Variants in RIF1 observed in about 807,000 individuals in gnomAD.
RIF1 encodes the protein telomere-associated protein RIF1.
A neutral mutation model predicts 247.1 loss-of-function variants in RIF1; 45 were observed. The ratio of observed to expected loss-of-function variants is 0.18; its 90% CI spans 0.14 to 0.23. The LOEUF (loss-of-function observed/expected upper bound fraction) is 0.23, where lower values mean the gene tolerates loss of function less well. Ranked by LOEUF, RIF1 falls within the 10% of genes least tolerant of loss-of-function variation. The pLI is 1.00. For missense variants in RIF1, 2,967 were observed against 2,862.5 expected, an observed-to-expected ratio of 1.04 and a Z score of -0.83; for synonymous variants, 1,087 against 978.8, an observed-to-expected ratio of 1.11 and a Z score of -2.06.
rs2444257 is a variant in RIF1 at position 151,465,581 on chromosome 2, A to G, written c.6061A>G (p.Asn2021Asp). ...AGAAACGAATACCAAAATGAAAAATAATGAAGAAATGATGATCGGCGAGGC... is the reference window on the plus strand; with the variant it reads ...AGAAACGAATACCAAAATGAAAAATGATGAAGAAATGATGATCGGCGAGGC... ...SEETNTKMKN[N>D]EEMMIGEAMA... is the part of the protein sequence containing the mutation. The change falls in exon 30 of 36, where the codon AAT becomes GAT. Residue 2021 changes from asparagine (N) to aspartate (D), a missense_variant. By Grantham distance (23) the Asn-to-Asp change is conservative. Coordinates refer to ENST00000444746, the MANE Select transcript of RIF1 (RefSeq NM_018151.5). 1.9e-6 allele frequency: 3 copies of G among 1,613,490 alleles called. No individual in the cohort carries two copies. The highest frequency in any genetic ancestry group is 8.5e-7 in the Non-Finnish European group (1 of 1,179,822).
chr2:151,460,082 C>A lies in RIF1; in HGVS notation c.3038C>A (p.Thr1013Lys). 1.3e-6 allele frequency: 2 copies of A among 1,568,800 alleles called. No homozygotes were observed. The highest frequency in any genetic ancestry group is 1.7e-6 in the Non-Finnish European group (2 of 1,153,320). Residue 1013 changes from threonine (T) to lysine (K), a missense_variant, in exon 26 of 36, where the codon ACA becomes AAA. Thr to Lys is a moderately conservative substitution (Grantham distance 78). Around this residue, in one of 7 missense-constraint regions of RIF1, gnomAD observed 2,028 missense variants for 1,825.6 expected, o/e 1.11. Coordinates refer to ENST00000444746, the MANE Select transcript of RIF1 (RefSeq NM_018151.5). ...NGKRDSFLAQTKNKKENMKPA... is the reference protein window; with the variant it reads ...NGKRDSFLAQKKNKKENMKPA... Reference sequence around the variant, plus strand: ...AAAAGAGATTCATTTTTGGCACAAACAAAGAATAAAAAAGAAAATATGAAA... The same window carrying A: ...AAAAGAGATTCATTTTTGGCACAAAAAAAGAATAAAAAAGAAAATATGAAA...
Position 151,410,544 on chromosome 2 carries a change from G to A in RIF1, c.104+17G>A. Reference sequence around the variant, plus strand: ...TCTGACCAGGTGAGGTCCGCCACGGGGCGTAGCGGAGAGTGGGGCGCTCTA... The same window carrying A: ...TCTGACCAGGTGAGGTCCGCCACGGAGCGTAGCGGAGAGTGGGGCGCTCTA... On this transcript the variant is annotated intron_variant, in intron 2 of 35. Transcript: ENST00000444746. 1 of 1,602,304 alleles carries A rather than the reference G, an allele frequency of 6.2e-7. No homozygotes were observed. The highest frequency in any genetic ancestry group is 8.5e-7 in the Non-Finnish European group (1 of 1,169,874).
chr2:151,412,327 C>T (rs1248607382), intron 3 of RIF1, among the ~76,000 whole-genome samples: 1 of 149,938 alleles, frequency 6.7e-6, no homozygotes, highest in African/African-American at 2.4e-5. Context: ...TTATTATGAC[C>T]TTGTTCTTGT....
At chr2:151,438,538 C>A in intron 13 of RIF1, 146 bp from the exon 14 acceptor site, 1 of 618,406 alleles carries the variant, frequency 1.6e-6, no homozygotes, top group South Asian at 1.9e-5. Flanking sequence ...TATAAACTTA[C>A]TACAGGGTTG....
chr2:151,497,712 A>G, intron 10 of RIF1: 1 of 1,576,272 alleles, frequency 6.3e-7, no homozygotes, highest in Non-Finnish European at 8.6e-7. Context: ...TTTTCTTTGT[A>G]TAACACCTGT....
rs2048886888 is a variant in RIF1, at chr2:151,475,534, C to G, written c.*463C>G. ...GGACTGAGGTTTAGGAAGTTTGTTACTGGTTAAAAACCTCAAATGAAATGC... is the reference window on the plus strand; with the variant it reads ...GGACTGAGGTTTAGGAAGTTTGTTAGTGGTTAAAAACCTCAAATGAAATGC... On this transcript the variant is annotated 3_prime_UTR_variant, in exon 36 of 36. Transcript: ENST00000444746. The G allele has an allele frequency of 3.8e-5, 6 of 155,966 alleles. No individual in the cohort carries two copies. The highest frequency in any genetic ancestry group is 1.2e-4 in the African/African-American group (5 of 41,466). The allele number at this position is 155,966 out of a possible 1,614,324, so 9.7% of individuals were successfully genotyped here.
intron 11 of RIF1, among the ~76,000 whole-genome samples, chr2:151,500,003 C>G (rs1559255366): frequency 6.6e-6 from 1 of 151,940 alleles, no homozygotes. Context: ...CAAATAGATA[C>G]AAATAATAAT....
downstream of RIF1, among the ~76,000 whole-genome samples, chr2:151,509,181 A>G (rs939609563): frequency 2.6e-5 from 4 of 152,186 alleles, no homozygotes; most frequent in Non-Finnish European, 5.9e-5. Flanking sequence ...GTTTCAGCCA[A>G]TGAGAGATGT....
chr2:151,474,215 C>T (rs957498740), intron 35 of RIF1, 143 bp downstream of exon 35: 22 of 595,844 alleles, frequency 3.7e-5, no homozygotes, highest in East Asian at 2.7e-4. Flanking sequence ...AAAAACTAAC[C>T]GATTGGACAT....
At chr2:151,511,923 T>TTGATTCA (rs1450184233), downstream of RIF1, among the ~76,000 whole-genome samples, 2 of 152,142 alleles carry the variant, frequency 1.3e-5, no homozygotes, top group African/African-American at 4.8e-5. Flanking sequence ...TGTTAAAATA[T>TTGATTCA]TGATTCATTA....
At chr2:151,525,942 G>C in the RIF1 span, 1 of 1,596,182 alleles carries the variant, frequency 6.3e-7, no homozygotes. Flanking sequence ...CAAGAGACCG[G>C]TGGTTGATCA....
chr2:151,432,079 G>C (rs1690254461), intron 9 of RIF1, among the ~76,000 whole-genome samples: 1 of 152,128 alleles, frequency 6.6e-6, no homozygotes, highest in South Asian at 2.1e-4. Context: ...TGTGATCTCA[G>C]CTCACTGCAA....
chr2:151,420,608 G>C (rs1573884653), intron 7 of RIF1, among the ~76,000 whole-genome samples: 1 of 151,918 alleles, frequency 6.6e-6, no homozygotes, highest in Non-Finnish European at 1.5e-5. Flanking sequence ...GTGGTGGCAT[G>C]CGCCTGTAGT....
chr2:151,415,563 C>CTAAAAA (rs1687057343), intron 4 of RIF1, among the ~76,000 whole-genome samples: 1 of 44,872 alleles, frequency 2.2e-5, no homozygotes, highest in Admixed American at 3.5e-4. Flanking sequence ...GACTCTGTCT[C>CTAAAAA]AAAAAAAAAA....
intron 8 of RIF1, among the ~76,000 whole-genome samples, chr2:151,424,526 C>CT (rs1235528647): frequency 2.6e-5 from 4 of 152,104 alleles, no homozygotes; most frequent in African/African-American, 9.7e-5. Flanking sequence ...TTGTTTCTAC[C>CT]TTTTGGCTAT....
chr2:151,414,784 T>A (rs1292363941), intron 3 of RIF1, 39 bp from the exon 4 acceptor site: 18 of 1,421,672 alleles, frequency 1.3e-5, no homozygotes, highest in Non-Finnish European at 1.8e-5. Flanking sequence ...TGATTTACAG[T>A]TGTGCTTGTT....
Position 151,465,477 on chromosome 2 carries a change from C to G in RIF1, c.5957C>G (p.Ala1986Gly). The G allele has an allele frequency of 6.2e-7, 1 of 1,613,934 alleles. No individual in the cohort carries two copies. The highest frequency in any genetic ancestry group is 1.1e-5 in the South Asian group (1 of 91,080). Residue 1986 changes from alanine to glycine, a missense_variant, in exon 30 of 36, where the codon GCT becomes GGT. Physicochemically the swap from Ala to Gly is moderately conservative, Grantham distance 60. Around this residue, in one of 7 missense-constraint regions of RIF1, gnomAD observed 2,028 missense variants for 1,825.6 expected, o/e 1.11. Transcript: ENST00000444746. ...SDNTTPVKLNAQTEISEQTAA... is the reference protein window; with the variant it reads ...SDNTTPVKLNGQTEISEQTAA... ...AATACTACACCTGTAAAATTGAATG[C>G]TCAAACTGAGATTTCTGAACAAACA... is the stretch of plus-strand genomic sequence containing the variant.
chr2:151,526,767 G>A, the RIF1 span: 8 of 624,822 alleles, frequency 1.3e-5, no homozygotes, highest in Admixed American at 2.7e-5. Flanking sequence ...GACTGCTGGC[G>A]CCCCTCACAG....
intron 16 of RIF1, among the ~76,000 whole-genome samples, chr2:151,442,320 C>T (rs1284588376): frequency 6.6e-6 from 1 of 150,904 alleles, no homozygotes; most frequent in Non-Finnish European, 1.5e-5. Flanking sequence ...GTGATCCCTC[C>T]GCCTTGCTCT....
Sources: gnomAD v4.1 joint callset for allele counts (sites outside exome capture counted in the v4.1 genomes callset) on GRCh38, gnomAD v4.1.1 for gene constraint, gnomAD v4.1.1 regional missense constraint, MANE v1.5 for transcripts, NCBI Gene and HGNC (gene_info 2026-07-23, HGNC 2026-07-21) for gene names.